The following CFDP1 variants were observed in gnomAD, a reference collection of about 807,000 sequenced individuals.
The protein encoded by CFDP1 is heterochromatin-stabilizing protein CFDP1.
A neutral mutation model predicts 40.1 loss-of-function variants in CFDP1; 31 were observed. The ratio of observed to expected loss-of-function variants is 0.77; its 90% confidence interval spans 0.58 to 1.04. The LOEUF is 1.04. Ranked by LOEUF, CFDP1 falls within the 50% of genes least tolerant of loss-of-function variation. The pLI is 0.00. For synonymous variants in CFDP1, 167 were observed against 120.0 expected (o/e 1.39, Z -2.56); for missense variants, 423 against 343.4 (o/e 1.23, Z -1.83).
chr16:75,377,925 G>C (rs1297147482), intron 5 of CFDP1, among the ~76,000 whole-genome samples: 1 of 152,220 alleles, frequency 6.6e-6, no homozygotes, highest in Non-Finnish European at 1.5e-5. Context: ...TTCGCTAGCA[G>C]TCACCAGCCA....
chr16:75,329,423 C>T (rs1035964388), intron 5 of CFDP1, among the ~76,000 whole-genome samples: 7 of 152,078 alleles, frequency 4.6e-5, no homozygotes, highest in Admixed American at 2.6e-4. Context: ...ATTATGCATC[C>T]GTGTGACTTT....
rs114710853 is a variant in CFDP1 at position 75,392,855 on chromosome 16, T to C, written c.650+2235A>G. On this transcript the variant is annotated intron_variant, in intron 5 of 6. Coordinates refer to ENST00000283882, the MANE Select transcript of CFDP1 (RefSeq NM_006324.3). ...GAATTTTGTTCTACAGCTGCCTTCA[T>C]CTGATTTTATGTCATTTCTACTGTG... 3.1e-3 allele frequency among the ~76,000 whole-genome samples: 478 copies of C among 152,376 alleles called. 2 individuals carry two copies. The highest frequency in any genetic ancestry group is 0.011 in the African/African-American group (465 of 41,590).
At position 75,305,926 on chromosome 16, in the gene CFDP1, A is replaced by G. The variant is rs1054246838; in HGVS notation, c.651-744T>C. On this transcript the variant is annotated intron_variant, in intron 5 of 6. Transcript: ENST00000283882. ...TGCTCCACTTGCTGGTGATGCTATC[A>G]TGGACAGTGGGAGAAACCCCAGATG... is the stretch of plus-strand genomic sequence containing the variant. Among the ~76,000 whole-genome samples, 31 of 152,246 alleles carry G rather than the reference A, an allele frequency of 2.0e-4. 1 individual carries two copies. Among genetic ancestry groups the G allele is most frequent in the African/African-American group, 7.0e-4 (29 of 41,464 alleles).
At position 75,390,159 on chromosome 16, in the gene CFDP1, G is replaced by C. The variant is rs547325094; in HGVS notation, c.650+4931C>G. ...TTCTTTACTGAAAAATATTTCACTT[G>C]TATAGCTCCCAAGGTAGCTCCTGGT... On this transcript the variant is annotated intron_variant, in intron 5 of 6. Transcript: ENST00000283882. Among the ~76,000 whole-genome samples the C allele has an allele frequency of 4.6e-5, 7 of 152,218 alleles. No homozygotes were observed. The East Asian group carries it at 1.2e-3, about 25-fold the overall frequency.
intron 5 of CFDP1, among the ~76,000 whole-genome samples, chr16:75,342,230 G>A (rs887978888): frequency 2.0e-5 from 3 of 152,100 alleles, no homozygotes; most frequent in African/African-American, 7.2e-5. Context: ...AGAGAACACT[G>A]GTGCTTTTGA....
chr16:75,329,242 T>C (rs545082390), intron 5 of CFDP1, among the ~76,000 whole-genome samples: 16 of 152,254 alleles, frequency 1.1e-4, no homozygotes, highest in Middle Eastern at 3.4e-3. Context: ...TGCACTGGCC[T>C]CTCAAAGTGC....
At chr16:75,343,146 T>C (rs2078538092) in intron 5 of CFDP1, among the ~76,000 whole-genome samples, 2 of 152,178 alleles carry the variant, frequency 1.3e-5, no homozygotes. Flanking sequence ...AGAGACTTGC[T>C]TTGTCCTCAG....
Position 75,411,866 on chromosome 16 carries a change from A to C in CFDP1, c.489T>G (p.Val163=). ...ELEKPKETEK[V]KITKVFDFAG... is the part of the protein sequence containing the mutation. ...CAAAATCAAACACCTTGGTGATTTTAACTTTTTCTGTTTCTTTAGGTTTCT... is the reference window on the plus strand; with the variant it reads ...CAAAATCAAACACCTTGGTGATTTTCACTTTTTCTGTTTCTTTAGGTTTCT... The change falls in exon 4 of 7, where the codon GTT becomes GTG. Residue 163 remains valine (V), a synonymous_variant. Transcript: ENST00000283882. 1 of 1,612,014 alleles carries C rather than the reference A, an allele frequency of 6.2e-7. No individual in the cohort carries two copies. Among genetic ancestry groups the C allele is most frequent in the East Asian group, 2.2e-5 (1 of 44,824 alleles).
chr16:75,294,963 A>G (rs2078172217), intron 6 of CFDP1, among the ~76,000 whole-genome samples: 1 of 152,180 alleles, frequency 6.6e-6, no homozygotes, highest in South Asian at 2.1e-4. Flanking sequence ...CCTCACCATA[A>G]AGCGTGCTGC....
At chr16:75,296,165 C>T (rs2078180709) in intron 6 of CFDP1, among the ~76,000 whole-genome samples, 1 of 152,224 alleles carries the variant, frequency 6.6e-6, no homozygotes, top group East Asian at 1.9e-4. Flanking sequence ...CAAGAGCCAT[C>T]TTCCAGTGCT....
chr16:75,393,762 AAAAAAAAAAAAG>A lies in CFDP1; in HGVS notation c.650+1316_650+1327del, dbSNP rs1597378740. 1.3e-4 allele frequency among the ~76,000 whole-genome samples: 11 copies of A among 85,998 alleles called. 1 individual carries two copies. Among genetic ancestry groups the A allele is most frequent in the South Asian group, 4.6e-4 (1 of 2,188 alleles). 56.4% of individuals were successfully genotyped at this position (85,998 alleles called of 152,430 possible). Reference sequence around the variant, plus strand: ...CAAAAAAAAAAAAAAAAAAAAAAAAAAAAAAAAAAAAGTGGGGCCGGGCCCGGTGGCTCACGC... The same window carrying A: ...CAAAAAAAAAAAAAAAAAAAAAAAAATGGGGCCGGGCCCGGTGGCTCACGC... On this transcript the variant is annotated intron_variant, in intron 5 of 6. Coordinates refer to ENST00000283882, the MANE Select transcript of CFDP1 (RefSeq NM_006324.3).
chr16:75,360,104 C>A (rs367925637), intron 5 of CFDP1, among the ~76,000 whole-genome samples: 1 of 152,218 alleles, frequency 6.6e-6, no homozygotes, highest in Non-Finnish European at 1.5e-5. Context: ...TGTTGGGCAG[C>A]CTGTCTTGAA....
chr16:75,334,078 G>C (rs1168174876), intron 5 of CFDP1, among the ~76,000 whole-genome samples: 2 of 152,032 alleles, frequency 1.3e-5, no homozygotes, highest in African/African-American at 2.4e-5. Context: ...TGTTCTGCCA[G>C]AGCCTCTGTG....
chr16:75,294,845 C>T (rs1176242602), intron 6 of CFDP1, among the ~76,000 whole-genome samples: 3 of 152,164 alleles, frequency 2.0e-5, no homozygotes, highest in Non-Finnish European at 4.4e-5. Context: ...CAAACTTTCC[C>T]TCTGTCCTCC....
At chr16:75,382,257 G>A (rs150867479) in intron 5 of CFDP1, among the ~76,000 whole-genome samples, 1 of 152,232 alleles carries the variant, frequency 6.6e-6, no homozygotes, top group African/African-American at 2.4e-5. Context: ...CTAATTTCCT[G>A]AGTGATTGAT....
At position 75,395,171 on chromosome 16, in the gene CFDP1, T is replaced by C; in HGVS notation, c.569A>G (p.Lys190Arg). 1 of 1,613,730 alleles carries C rather than the reference T, an allele frequency of 6.2e-7. No homozygotes were observed. Among genetic ancestry groups the C allele is most frequent in the Non-Finnish European group, 8.5e-7 (1 of 1,179,804 alleles). ...TTTCTCATTCTGCTTGAAGAAGGAT[T>C]TGGCCTCTTTAGATGTAGCATCCAC... Reference protein sequence around the residue: ...KEVDATSKEAKSFFKQNEKEK... With the variant: ...KEVDATSKEARSFFKQNEKEK... The change falls in exon 5 of 7, where the codon AAA becomes AGA. Residue 190 changes from lysine (K) to arginine (R), a missense_variant. Transcript: ENST00000283882.
chr16:75,426,403 ATACACTATCTTTG>A (rs1251734772), intron 1 of CFDP1, among the ~76,000 whole-genome samples: 4 of 152,166 alleles, frequency 2.6e-5, no homozygotes, highest in Non-Finnish European at 4.4e-5. Flanking sequence ...ACATAGGAAA[ATACACTATCTTTG>A]TAATCCCGAG....
intron 5 of CFDP1, among the ~76,000 whole-genome samples, chr16:75,316,756 G>A (rs2078325653): frequency 6.6e-6 from 1 of 152,076 alleles, no homozygotes; most frequent in African/African-American, 2.4e-5. Flanking sequence ...GATCACCTGA[G>A]GTCAGGAGTT....
chr16:75,345,163 A>G (rs1196830794), intron 5 of CFDP1, among the ~76,000 whole-genome samples: 1 of 151,876 alleles, frequency 6.6e-6, no homozygotes, highest in African/African-American at 2.4e-5. Context: ...CCATCACTAC[A>G]AAAATAAAAC....
Sources: allele counts gnomAD v4.1 joint callset (sites outside exome capture counted in the v4.1 genomes callset), GRCh38; gene constraint gnomAD v4.1.1; transcripts MANE v1.5; gene names NCBI Gene and HGNC (gene_info 2026-07-23, HGNC 2026-07-21).